DEF8: variants seen among roughly 807,000 people sequenced by gnomAD.
The protein encoded by DEF8 is DEF-8.
Under a neutral mutation model 59.1 loss-of-function variants are expected in DEF8, and 38 were observed. The ratio of observed to expected loss-of-function variants is 0.64; its 90% CI spans 0.50 to 0.84. The LOEUF is 0.84. Ranked by LOEUF, DEF8 falls within the 40% of genes least tolerant of loss-of-function variation. The pLI, the probability that DEF8 is intolerant of heterozygous loss-of-function variation, is 0.00. For missense variants in DEF8, 557 were observed against 615.2 expected (o/e 0.91, Z 1.00); for synonymous variants, 265 against 250.1 (o/e 1.06, Z -0.56).
chr16:89,950,413 G>C (rs1250573008), intron 2 of DEF8: 1 of 869,478 alleles, frequency 1.2e-6, no homozygotes, highest in African/African-American at 1.8e-5. Context: ...TTTTGAGATG[G>C]AGTTTTGCTG....
At chr16:89,950,025 A>T in intron 2 of DEF8, 2 of 1,025,298 alleles carry the variant, frequency 2.0e-6, no homozygotes, top group Non-Finnish European at 2.3e-6. Context: ...GCTGGCACTG[A>T]CTGTCAGTAA....
At chr16:89,950,872 T>C (rs1409580036) in intron 2 of DEF8, among the ~76,000 whole-genome samples, 1 of 152,108 alleles carries the variant, frequency 6.6e-6, no homozygotes, top group Non-Finnish European at 1.5e-5. Context: ...TTCCAGCTAC[T>C]TGGGAGGCTA....
intron 9 of DEF8, 54 bp from the exon 10 acceptor site, chr16:89,963,309 G>A: frequency 3.9e-6 from 6 of 1,551,194 alleles, no homozygotes; most frequent in Non-Finnish European, 5.3e-6. Context: ...GCCCACACAG[G>A]GGCCGCCCTG....
intron 10 of DEF8, 31 bp downstream of exon 10, chr16:89,963,474 G>T: frequency 6.3e-7 from 1 of 1,595,798 alleles, no homozygotes; most frequent in South Asian, 1.1e-5. Flanking sequence ...GGCCCCCGAT[G>T]GGAAGCGCAG....
Position 89,954,481 on chromosome 16 carries a change from C to A in DEF8, c.124+105C>A, listed in dbSNP as rs1374706013. The A allele has an allele frequency of 1.5e-6, 2 of 1,306,550 alleles. No individual in the cohort carries two copies. The highest frequency in any genetic ancestry group is 1.5e-5 in the African/African-American group (1 of 67,642). 80.9% of individuals were successfully genotyped at this position (1,306,550 alleles called of 1,614,324 possible). ...GTCCTGCGCAGCCCTGGCTTTCCCACGGAGCCGGCACCTGCTGGCTGTGTT... is the reference window on the plus strand; with the variant it reads ...GTCCTGCGCAGCCCTGGCTTTCCCAAGGAGCCGGCACCTGCTGGCTGTGTT... On this transcript the variant is annotated intron_variant, in intron 3 of 12. Transcript: ENST00000563594. This position sits in a 1 kb window ranked among gnomAD's most constrained non-coding sequence, Gnocchi z 4.3.
intron 4 of DEF8, among the ~76,000 whole-genome samples, chr16:89,957,088 C>T (rs1183269456): frequency 6.6e-6 from 1 of 152,218 alleles, no homozygotes; most frequent in African/African-American, 2.4e-5. Flanking sequence ...GGCTGGCTCT[C>T]GGCATGTGCT....
rs59887097 is a variant in DEF8 at position 89,962,181 on chromosome 16, G to T, written c.921+56G>T. The T allele has an allele frequency of 6.9e-4, 1,034 of 1,491,232 alleles. 5 individuals carry two copies. The African/African-American group carries it at 0.013, about 19-fold the overall frequency. The allele number at this position is 1,491,232 out of a possible 1,614,324, so 92.4% of individuals were successfully genotyped here. On this transcript the variant is annotated intron_variant, in intron 9 of 12. Coordinates refer to ENST00000563594, the MANE Select transcript of DEF8 (RefSeq NM_001242818.2). ...GGGGCGCTGTGTCAGGTGGGCCCTA[G>T]GGCCGGGCCAGTACCCTCTTCTCCT...
intron 12 of DEF8, among the ~76,000 whole-genome samples, chr16:89,965,481 T>C (rs1310986354): frequency 6.6e-6 from 1 of 152,156 alleles, no homozygotes; most frequent in Non-Finnish European, 1.5e-5. Flanking sequence ...TGTTTAAAAG[T>C]TTGAACTAGG....
intron 2 of DEF8, 107 bp downstream of exon 2, chr16:89,949,620 G>C: frequency 6.2e-7 from 1 of 1,612,330 alleles, no homozygotes; most frequent in Non-Finnish European, 8.5e-7. Flanking sequence ...CACGCCGCGG[G>C]CAGGACGCGG....
At position 89,949,481 on chromosome 16, in the gene DEF8, C is replaced by T; in HGVS notation, c.-43C>T. On this transcript the variant is annotated 5_prime_UTR_variant, in exon 2 of 13. Coordinates refer to ENST00000563594, the MANE Select transcript of DEF8 (RefSeq NM_001242818.2). ...CCCTAGAGGAATGGCCATCCTGTCC[C>T]TGCGAGCCCCTGGGCCCTGGCAGGC... The T allele has an allele frequency of 6.2e-7, 1 of 1,612,696 alleles. No individual in the cohort carries two copies. Among genetic ancestry groups the T allele is most frequent in the Non-Finnish European group, 8.5e-7 (1 of 1,179,878 alleles).
intron 1 of DEF8, among the ~76,000 whole-genome samples, 155 bp downstream of exon 1, chr16:89,948,969 C>G (rs547670736): frequency 8.9e-5 from 3 of 33,540 alleles, no homozygotes; most frequent in African/African-American, 4.2e-4. Flanking sequence ...ACGGGGCCGG[C>G]GGGGACGGGG....
intron 5 of DEF8, 144 bp downstream of exon 5, chr16:89,957,804 C>A: frequency 1.0e-6 from 1 of 993,456 alleles, no homozygotes; most frequent in Non-Finnish European, 1.4e-6. Context: ...GGGCACGAGA[C>A]AGGCAGGGTG....
rs759096817 is a variant in DEF8, at chr16:89,962,085, C to T, written c.881C>T (p.Pro294Leu). The T allele has an allele frequency of 4.3e-6, 7 of 1,613,956 alleles. No homozygotes were observed. The African/African-American group carries it at 5.3e-5, about 12-fold the overall frequency. Residue 294 changes from proline (P) to leucine (L), a missense_variant, in exon 9 of 13, where the codon CCT (proline) becomes CTT (leucine). By Grantham distance (98) the Pro-to-Leu change is moderately conservative (BLOSUM62 -3). Coordinates refer to ENST00000563594, the MANE Select transcript of DEF8 (RefSeq NM_001242818.2). ...RPVLRLREIN[P>L]LLFSYVEELV... ...GTACTCAGGCTCCGGGAGATCAACC[C>T]TCTGCTGTTCAGCTACGTGGAGGAG... is the stretch of plus-strand genomic sequence containing the variant.
chr16:89,965,824 T>TC (rs2034563739), intron 12 of DEF8, 37 bp from the exon 13 acceptor site: 4 of 1,444,406 alleles, frequency 2.8e-6, no homozygotes, highest in African/African-American at 1.4e-5. Context: ...TGCTGGAGTT[T>TC]CCTGTGCAGA....
At chr16:89,963,297 C>T (rs1169159392) in intron 9 of DEF8, 66 bp from the exon 10 acceptor site, 10 of 1,409,830 alleles carry the variant, frequency 7.1e-6, no homozygotes, top group South Asian at 2.5e-5. Flanking sequence ...CCCGGGTGTG[C>T]GGCCCACACA....
At chr16:89,963,924 G>A (rs1178024215) in intron 10 of DEF8, 4 of 604,290 alleles carry the variant, frequency 6.6e-6, no homozygotes, top group African/African-American at 1.8e-5. Flanking sequence ...GCGGGGATGC[G>A]GTGTGGCTGG....
intron 6 of DEF8, chr16:89,959,419 T>C: frequency 8.7e-7 from 1 of 1,144,222 alleles, no homozygotes; most frequent in Non-Finnish European, 1.2e-6. Flanking sequence ...TAGCACGTGT[T>C]AGGGTGGAGT....
intron 6 of DEF8, 55 bp from the exon 7 acceptor site, chr16:89,960,876 T>G (rs2033938737): frequency 5.1e-6 from 8 of 1,576,150 alleles, no homozygotes; most frequent in Non-Finnish European, 6.9e-6. Flanking sequence ...GAGGGTGGCC[T>G]GGGCTGCAGG....
rs1057460675 is a variant in DEF8, at chr16:89,954,343, C to T, written c.91C>T (p.Pro31Ser). The T allele has an allele frequency of 6.2e-7, 1 of 1,613,758 alleles. No individual in the cohort carries two copies. ...TGGGCCGAGACAGCATGAGCAGGGC[C>T]CTGGGGAGGAGGTCCCGGACGTCAC... ...QSGPRQHEQGPGEEVPDVTPE... is the reference protein window; with the variant it reads ...QSGPRQHEQGSGEEVPDVTPE... The change falls in exon 3 of 13, where the codon CCT (proline) becomes TCT (serine). Residue 31 changes from proline (P) to serine (S), a missense_variant. By Grantham distance (74) the Pro-to-Ser change is moderately conservative. Coordinates refer to ENST00000563594, the MANE Select transcript of DEF8 (RefSeq NM_001242818.2). The surrounding 1 kb of genome is among the most constrained non-coding windows in gnomAD (Gnocchi z 4.3).
Sources: gnomAD v4.1 joint callset for allele counts (sites outside exome capture counted in the v4.1 genomes callset) on GRCh38, gnomAD v4.1.1 for gene constraint, Gnocchi (gnomAD v3.1) non-coding constraint, MANE v1.5 for transcripts, NCBI Gene and HGNC (gene_info 2026-07-23, HGNC 2026-07-21) for gene names.